CFAP20DC: variants seen among roughly 807,000 people sequenced by gnomAD.
The protein encoded by CFAP20DC is protein CFAP20DC.
A neutral mutation model predicts 101.7 loss-of-function variants in CFAP20DC; 84 were observed. The observed-to-expected ratio is 0.83, with a 90% CI of 0.69 to 0.99. The LOEUF (loss-of-function observed/expected upper bound fraction) is 0.99, where lower values mean the gene tolerates loss of function less well. CFAP20DC is among the 50% of genes least tolerant of loss of function. The pLI is 0.00. For synonymous variants in CFAP20DC, 359 were observed against 351.2 expected, an observed-to-expected ratio of 1.02 and a Z score of -0.25; for missense variants, 1,007 against 970.3, an observed-to-expected ratio of 1.04 and a Z score of -0.50.
chr3:58,830,206 TCCC>T (rs931398297), intron 14 of CFAP20DC, among the ~76,000 whole-genome samples: 2 of 151,988 alleles, frequency 1.3e-5, no homozygotes, highest in South Asian at 2.1e-4. Context: ...AGAGCACTAA[TCCC>T]CCCATCAAAC....
At chr3:58,751,868 A>ACACAC (rs1559541321) in intron 16 of CFAP20DC, among the ~76,000 whole-genome samples, 2 of 125,516 alleles carry the variant, frequency 1.6e-5, no homozygotes, top group African/African-American at 7.0e-5. Flanking sequence ...CACACACACA[A>ACACAC]AATTTCCTCC....
intron 11 of CFAP20DC, among the ~76,000 whole-genome samples, chr3:58,865,105 C>CA (rs2079570080): frequency 7.6e-6 from 1 of 131,424 alleles, no homozygotes; most frequent in Non-Finnish European, 1.7e-5. Flanking sequence ...TTTAAATTTG[C>CA]TTTTTTTTTT....
rs1037479655 is a variant in CFAP20DC at position 58,806,294 on chromosome 3, G to A, written c.2237+101C>T. The A allele has an allele frequency of 8.9e-6, 7 of 782,126 alleles. No homozygotes were observed. The East Asian group carries it at 1.8e-4, about 21-fold the overall frequency. The allele number at this position is 782,126 out of a possible 1,614,324, so 48.4% of individuals were successfully genotyped here. A position where few individuals can be genotyped will look rare whatever the true frequency, so the allele number is the denominator to read the frequency against. On this transcript the variant is annotated intron_variant, in intron 15 of 16. Transcript: ENST00000482387. ...ACTTTGAAAGAACATAAGTTTGGAA[G>A]CTAGAAGTTTTGGAAAACAATTTCA...
downstream of CFAP20DC, among the ~76,000 whole-genome samples, chr3:58,716,254 C>T (rs1013359144): frequency 6.7e-5 from 10 of 148,328 alleles, no homozygotes; most frequent in East Asian, 2.0e-4. Context: ...CTCCGCTTCC[C>T]GGGTTCACGC....
intron 15 of CFAP20DC, among the ~76,000 whole-genome samples, chr3:58,774,843 G>T (rs368567387): frequency 6.6e-6 from 1 of 152,196 alleles, no homozygotes; most frequent in Non-Finnish European, 1.5e-5. Flanking sequence ...TAGCTATAAA[G>T]TGATGGCTAT....
In CFAP20DC at chr3:59,047,234, A is replaced by T; in HGVS notation, c.42T>A (p.Ile14=). 2 of 1,533,736 alleles carry T rather than the reference A, an allele frequency of 1.3e-6. No individual in the cohort carries two copies. The highest frequency in any genetic ancestry group is 1.7e-6 in the Non-Finnish European group (2 of 1,144,870). ...NEYQGGAFVE[I]FSAQGKNPGA... The stretch of plus-strand genomic sequence containing the variant: ...CAGGATTTTTTCCTTGAGCACTGAA[A>T]ATTTCAACAAATGCACCTCCCTAGA... Residue 14 remains isoleucine, a synonymous_variant, in exon 2 of 17, where the codon ATT becomes ATA. Transcript: ENST00000482387.
At chr3:58,943,301 T>C (rs992349335) in intron 4 of CFAP20DC, among the ~76,000 whole-genome samples, 1 of 152,174 alleles carries the variant, frequency 6.6e-6, no homozygotes, top group Non-Finnish European at 1.5e-5. Context: ...CAGGGGTCAA[T>C]AGACACGTCA....
At position 58,938,909 on chromosome 3, in the gene CFAP20DC, G is replaced by A. The variant is rs556974083; in HGVS notation, c.279-1147C>T. On this transcript the variant is annotated intron_variant, in intron 4 of 16. Transcript: ENST00000482387. ...ATCATAAATTCATTTAAAATACAAC[G>A]TCTTTCAATCCATAGTCAGAGCTAA... Among the ~76,000 whole-genome samples the A allele has an allele frequency of 1.2e-4, 18 of 152,140 alleles. No individual in the cohort carries two copies. The East Asian group carries it at 2.9e-3, about 24-fold the overall frequency.
chr3:58,965,953 A>C (rs76578457), intron 4 of CFAP20DC, among the ~76,000 whole-genome samples: 2,765 of 152,316 alleles, frequency 0.018, 101 homozygotes, highest in African/African-American at 0.063. Flanking sequence ...TTGCTCCATA[A>C]AAGCAGTGAG....
At chr3:58,828,566 AT>A (rs2076192412) in intron 14 of CFAP20DC, among the ~76,000 whole-genome samples, 1 of 152,232 alleles carries the variant, frequency 6.6e-6, no homozygotes, top group African/African-American at 2.4e-5. Context: ...CAAATACTGC[AT>A]GTTCTCACTT....
At chr3:58,753,946 GGCTTCC>G in intron 15 of CFAP20DC, 83 bp from the exon 16 acceptor site, 1 of 891,018 alleles carries the variant, frequency 1.1e-6, no homozygotes, top group Non-Finnish European at 1.7e-6. Flanking sequence ...AGTTCCTTGG[GGCTTCC>G]AAAAAGAAAC....
chr3:58,952,381 A>G (rs1233546767), intron 4 of CFAP20DC, among the ~76,000 whole-genome samples: 1 of 152,158 alleles, frequency 6.6e-6, no homozygotes, highest in Non-Finnish European at 1.5e-5. Flanking sequence ...CCCTTTTTCC[A>G]GTCTCCACAC....
chr3:58,982,713 G>A (rs1332183099), intron 4 of CFAP20DC, among the ~76,000 whole-genome samples: 10 of 109,038 alleles, frequency 9.2e-5, no homozygotes, highest in African/African-American at 2.4e-4. Flanking sequence ...GTTGTGGGGT[G>A]GGGGGAGGGG....
Position 59,006,942 on chromosome 3 carries a change from C to A in CFAP20DC, c.278+32615G>T, listed in dbSNP as rs970535264. On this transcript the variant is annotated intron_variant, in intron 4 of 16. Transcript: ENST00000482387. The surrounding 1 kb of genome is among the most constrained non-coding windows in gnomAD (Gnocchi z 4.3). ...CTTTCTCAGCGTGGAAGCTTATGGC[C>A]TGGGGCAGGTCTGAGTTTTGTGAGC... Among the ~76,000 whole-genome samples, 1 of 152,134 alleles carries A rather than the reference C, an allele frequency of 6.6e-6. No homozygotes were observed. Among genetic ancestry groups the A allele is most frequent in the African/African-American group, 2.4e-5 (1 of 41,430 alleles).
intron 4 of CFAP20DC, among the ~76,000 whole-genome samples, chr3:59,023,354 T>C (rs1471051543): frequency 1.3e-5 from 2 of 152,050 alleles, no homozygotes; most frequent in East Asian, 1.9e-4. Flanking sequence ...ATGTACACAA[T>C]TGTGAGAACA....
rs2108497344 is a variant in CFAP20DC at position 58,866,682 on chromosome 3, G to A, written c.1142C>T (p.Ser381Phe). The part of the protein sequence containing the change: ...RERTETPSGS[S>F]SGNNRIEDKA... ...ATCTTCAATCCTATTATTTCCTGAA[G>A]AGCTACCTTTATTGAGATAAATATT... Residue 381 changes from serine (S) to phenylalanine (F), a missense_variant, in exon 11 of 17, where the codon TCT becomes TTT. Physicochemically the swap from Ser to Phe is radical, Grantham distance 155. Transcript: ENST00000482387. The A allele has an allele frequency of 6.4e-7, 1 of 1,565,288 alleles. No individual in the cohort carries two copies. Among genetic ancestry groups the A allele is most frequent in the East Asian group, 2.2e-5 (1 of 44,526 alleles).
intron 6 of CFAP20DC, among the ~76,000 whole-genome samples, chr3:58,903,171 T>A (rs2083295137): frequency 6.6e-6 from 1 of 152,242 alleles, no homozygotes. Flanking sequence ...GTACAATTTA[T>A]CTATTTTTAA....
At chr3:58,736,429 T>C (rs1575521894) in intron 3 of CFAP20DC, among the ~76,000 whole-genome samples, 1 of 152,218 alleles carries the variant, frequency 6.6e-6, no homozygotes, top group African/African-American at 2.4e-5. Context: ...TCTAATCCCA[T>C]TATTAATCTC....
intron 4 of CFAP20DC, among the ~76,000 whole-genome samples, chr3:59,032,459 T>G (rs1181193556): frequency 6.6e-6 from 1 of 152,198 alleles, no homozygotes. Context: ...CTTGAAATTC[T>G]CGCTGCCAGC....
Sources: allele counts gnomAD v4.1 joint callset (sites outside exome capture counted in the v4.1 genomes callset), GRCh38; gene constraint gnomAD v4.1.1; non-coding constraint Gnocchi (gnomAD v3.1); transcripts MANE v1.5; gene names NCBI Gene and HGNC (gene_info 2026-07-23, HGNC 2026-07-21).